WDR25: variants seen among roughly 807,000 people sequenced by gnomAD.
The protein encoded by WDR25 is WD repeat-containing protein 25.
WDR25 carries 35 observed loss-of-function variants against 47.7 expected under a neutral mutation model. The observed-to-expected ratio is 0.73, with a 90% CI of 0.56 to 0.97. WDR25 has a LOEUF of 0.97. WDR25 is among the 50% of genes least tolerant of loss of function. The pLI is 0.00. For missense variants in WDR25, 634 were observed against 704.7 expected (o/e 0.90, Z 1.14); for synonymous variants, 248 against 278.9 (o/e 0.89, Z 1.10).
chr14:100,388,577 G>C (rs938877808), intron 2 of WDR25, among the ~76,000 whole-genome samples: 1 of 152,178 alleles, frequency 6.6e-6, no homozygotes, highest in Non-Finnish European at 1.5e-5. Flanking sequence ...ATTCTGAGCT[G>C]GAATCTTCTC....
At position 100,488,648 on chromosome 14, in the gene WDR25, G is replaced by A. The variant is rs11627131; in HGVS notation, c.1101+4524G>A. Among the ~76,000 whole-genome samples the A allele has an allele frequency of 9.2e-3, 1,402 of 152,256 alleles. 11 individuals carry two copies. Among genetic ancestry groups the A allele is most frequent in the Non-Finnish European group, 0.013 (878 of 68,016 alleles). On this transcript the variant is annotated intron_variant, in intron 4 of 6. Coordinates refer to ENST00000402312, the MANE Select transcript of WDR25 (RefSeq NM_001161476.3). The surrounding 1 kb of genome is among the most constrained non-coding windows in gnomAD (Gnocchi z 4.2). The stretch of plus-strand genomic sequence containing the variant: ...TTCTGTTTCAGCAGGTCCAGGTTGG[G>A]ATAAGATCCTGCATTTCTAACAAGC...
intron 2 of WDR25, among the ~76,000 whole-genome samples, chr14:100,466,926 C>T (rs1047753938): frequency 1.4e-4 from 21 of 152,202 alleles, no homozygotes; most frequent in South Asian, 2.1e-4. Context: ...GTGTGTTTGG[C>T]GGCATTTGCT....
chr14:100,473,578 A>G (rs1020179528), intron 3 of WDR25, among the ~76,000 whole-genome samples: 5 of 152,198 alleles, frequency 3.3e-5, no homozygotes, highest in African/African-American at 1.2e-4. Context: ...GATCCCTCTG[A>G]TTAAGTGGGC....
At chr14:100,408,946 A>C in intron 2 of WDR25, among the ~76,000 whole-genome samples, 1 of 152,216 alleles carries the variant, frequency 6.6e-6, no homozygotes, top group Admixed American at 6.5e-5. Flanking sequence ...TGTTATTAGG[A>C]ATGTTTTGCC....
At chr14:100,522,262 C>G (rs1033174005) in intron 4 of WDR25, among the ~76,000 whole-genome samples, 1 of 152,010 alleles carries the variant, frequency 6.6e-6, no homozygotes, top group Non-Finnish European at 1.5e-5. Flanking sequence ...TTTATATAGT[C>G]CAGTTTATTC....
At chr14:100,461,383 T>C (rs1899408349) in intron 2 of WDR25, among the ~76,000 whole-genome samples, 1 of 152,190 alleles carries the variant, frequency 6.6e-6, no homozygotes, top group Non-Finnish European at 1.5e-5. Flanking sequence ...AAAAATACCA[T>C]TTATATTATC....
intron 2 of WDR25, among the ~76,000 whole-genome samples, chr14:100,444,349 C>T (rs1898759742): frequency 3.3e-5 from 5 of 152,232 alleles, no homozygotes; most frequent in South Asian, 2.1e-4. Context: ...CGAGTGCATC[C>T]GTGCCACTTA....
At chr14:100,509,378 T>C (rs1412336404) in intron 4 of WDR25, among the ~76,000 whole-genome samples, 2 of 152,214 alleles carry the variant, frequency 1.3e-5, no homozygotes, top group Non-Finnish European at 2.9e-5. Flanking sequence ...TTTAACTTTA[T>C]TTTTTAATGG....
intron 2 of WDR25, among the ~76,000 whole-genome samples, chr14:100,406,005 G>T (rs1351871834): frequency 6.6e-6 from 1 of 152,142 alleles, no homozygotes; most frequent in African/African-American, 2.4e-5. Flanking sequence ...ATGGAGGTGT[G>T]CTCCATGGGC....
intron 2 of WDR25, among the ~76,000 whole-genome samples, chr14:100,388,309 G>A (rs1897061884): frequency 6.6e-6 from 1 of 152,210 alleles, no homozygotes; most frequent in African/African-American, 2.4e-5. Flanking sequence ...GGAGAGAATT[G>A]GTGATGTGTG....
chr14:100,454,718 T>C, intron 2 of WDR25: 1 of 337,774 alleles, frequency 3.0e-6, no homozygotes, highest in South Asian at 2.4e-5. Context: ...AGAAAATCTG[T>C]AGTGTTACTG....
intron 2 of WDR25, among the ~76,000 whole-genome samples, chr14:100,466,903 C>T (rs1379759629): frequency 1.3e-5 from 2 of 152,218 alleles, no homozygotes; most frequent in African/African-American, 4.8e-5. Context: ...CGGCAGTTCC[C>T]CTGGGCTGCA....
intron 3 of WDR25, among the ~76,000 whole-genome samples, chr14:100,473,427 CCCTGCTGTGAACAAA>C (rs1899911419): frequency 1.3e-5 from 2 of 152,160 alleles, no homozygotes; most frequent in South Asian, 4.1e-4. Flanking sequence ...ACGTCTGTTT[CCCTGCTGTGAACAAA>C]CAGGGAAACA....
chr14:100,400,662 A>G (rs1177512471), intron 2 of WDR25, among the ~76,000 whole-genome samples: 2 of 152,250 alleles, frequency 1.3e-5, no homozygotes, highest in Non-Finnish European at 2.9e-5. Flanking sequence ...AATACAGGGC[A>G]TGATAAAAAG....
At chr14:100,527,428 A>G (rs978756653) in intron 5 of WDR25, among the ~76,000 whole-genome samples, 1 of 152,218 alleles carries the variant, frequency 6.6e-6, no homozygotes, top group Non-Finnish European at 1.5e-5. Flanking sequence ...TTAAAACTGT[A>G]TGTCATGTGT....
intron 2 of WDR25, among the ~76,000 whole-genome samples, chr14:100,403,134 ATTC>A (rs1275305405): frequency 2.6e-5 from 4 of 152,246 alleles, no homozygotes; most frequent in Non-Finnish European, 5.9e-5. Context: ...GGAAGAGACC[ATTC>A]TTCTTTATTT....
intron 4 of WDR25, among the ~76,000 whole-genome samples, chr14:100,507,596 T>G (rs753723628): frequency 5.9e-5 from 9 of 152,148 alleles, no homozygotes; most frequent in South Asian, 2.1e-4. Context: ...TATTTTGTAG[T>G]TCTCCTTGTA....
chr14:100,508,588 G>T (rs1229151550), intron 4 of WDR25, among the ~76,000 whole-genome samples: 1 of 152,098 alleles, frequency 6.6e-6, no homozygotes, highest in African/African-American at 2.4e-5. Context: ...TCTAATGCAT[G>T]TGCAATTATT....
In WDR25 at chr14:100,506,833, G is replaced by C. The variant is rs1451738045; in HGVS notation, c.1102-19037G>C. On this transcript the variant is annotated intron_variant, in intron 4 of 6. Transcript: ENST00000402312. This position sits in a 1 kb window ranked among gnomAD's most constrained non-coding sequence, Gnocchi z 4.8. ...ATATTACAGCTTTGTCAGATGCGTA[G>C]TTTGCAAATATTTCTCCTATTCTGT... is the stretch of plus-strand genomic sequence containing the variant. Among the ~76,000 whole-genome samples the C allele has an allele frequency of 6.6e-6, 1 of 152,076 alleles. No homozygotes were observed. The highest frequency in any genetic ancestry group is 1.9e-4 in the East Asian group (1 of 5,198).
Sources: allele counts gnomAD v4.1 joint callset (sites outside exome capture counted in the v4.1 genomes callset), GRCh38; gene constraint gnomAD v4.1.1; non-coding constraint Gnocchi (gnomAD v3.1); transcripts MANE v1.5; gene names NCBI Gene and HGNC (gene_info 2026-07-23, HGNC 2026-07-21).